The following CHL1 variants were observed in gnomAD, a reference collection of about 807,000 sequenced individuals.
CHL1 encodes the protein cell adhesion molecule L1 like, also known as neural cell adhesion molecule L1-like protein.
A neutral mutation model predicts 141.9 loss-of-function variants in CHL1; 96 were observed. That is an observed-to-expected ratio of 0.68 (90% CI 0.57 to 0.80). The LOEUF (loss-of-function observed/expected upper bound fraction) is 0.80, where lower values mean the gene tolerates loss of function less well. CHL1 is among the 30% of genes least tolerant of loss of function. CHL1 has a pLI of 0.00. For missense variants in CHL1, 1,820 were observed against 1,457.2 expected, an observed-to-expected ratio of 1.25 and a Z score of -4.05; for synonymous variants, 613 against 502.2, an observed-to-expected ratio of 1.22 and a Z score of -2.95.
In CHL1 at chr3:391,665, T is replaced by A; in HGVS notation, c.2792-10T>A. 2 of 1,587,872 alleles carry A rather than the reference T, an allele frequency of 1.3e-6. No individual in the cohort carries two copies. The highest frequency in any genetic ancestry group is 1.7e-6 in the Non-Finnish European group (2 of 1,166,574). ...TGATGTGAGTTTATTTTTGGTCTTG[T>A]GTTTTCTAGTACCTGAACAGCCAAC... On this transcript the variant is annotated splice_polypyrimidine_tract_variant and intron_variant, in intron 22 of 27. Transcript: ENST00000256509.
intron 1 of CHL1, among the ~76,000 whole-genome samples, chr3:201,119 T>C (rs1253694746): frequency 6.6e-6 from 1 of 152,218 alleles, no homozygotes; most frequent in Non-Finnish European, 1.5e-5. Flanking sequence ...GAATTCTGTA[T>C]CACTGGGTTA....
At chr3:404,841 A>T (rs1709408439) in intron 27 of CHL1, among the ~76,000 whole-genome samples, 2 of 152,190 alleles carry the variant, frequency 1.3e-5, no homozygotes. Flanking sequence ...ACTATAACAA[A>T]ATACCATAAG....
intron 2 of CHL1, among the ~76,000 whole-genome samples, chr3:279,367 G>A (rs990586132): frequency 8.5e-5 from 13 of 152,072 alleles, no homozygotes; most frequent in Non-Finnish European, 1.3e-4. Context: ...CGAGGGGGGA[G>A]CTGTTTTCTA....
intron 4 of CHL1, 34 bp downstream of exon 4, chr3:326,098 A>T: frequency 7.6e-7 from 1 of 1,307,874 alleles, no homozygotes; most frequent in Non-Finnish European, 1.1e-6. Context: ...GGTTCTTTAA[A>T]TGCGTGCTGT....
At chr3:360,599 T>TA (rs1704139859) in intron 12 of CHL1, among the ~76,000 whole-genome samples, 175 bp downstream of exon 12, 1 of 132,144 alleles carries the variant, frequency 7.6e-6, no homozygotes, top group Non-Finnish European at 1.8e-5. Context: ...TCTTTTTTTT[T>TA]TTTATTATAC....
At chr3:221,657 C>T (rs1700852998) in intron 1 of CHL1, among the ~76,000 whole-genome samples, 1 of 152,216 alleles carries the variant, frequency 6.6e-6, no homozygotes, top group African/African-American at 2.4e-5. Flanking sequence ...AGGACTTATG[C>T]ATCAACAGTA....
intron 3 of CHL1, among the ~76,000 whole-genome samples, chr3:321,105 T>C (rs11916994): frequency 0.015 from 2,303 of 152,204 alleles, 55 homozygotes; most frequent in African/African-American, 0.052. Context: ...TGACTATCTA[T>C]AATATAATGT....
intron 1 of CHL1, among the ~76,000 whole-genome samples, chr3:222,192 T>A (rs1490474547): frequency 6.6e-6 from 1 of 152,180 alleles, no homozygotes; most frequent in Non-Finnish European, 1.5e-5. Context: ...CTGTTAGAGA[T>A]CTGAAGTTTA....
intron 2 of CHL1, chr3:248,661 A>G (rs1236861410): frequency 6.6e-6 from 1 of 152,098 alleles, no homozygotes; most frequent in East Asian, 1.9e-4. Flanking sequence ...CTCAATCTTC[A>G]TAGCCTTTTT....
At chr3:306,508 C>G (rs1699240923) in intron 2 of CHL1, among the ~76,000 whole-genome samples, 4 of 152,114 alleles carry the variant, frequency 2.6e-5, no homozygotes, top group Admixed American at 2.0e-4. Context: ...AGTTGGTTTG[C>G]TTTATTATAT....
intron 12 of CHL1, among the ~76,000 whole-genome samples, chr3:361,164 C>G (rs1331415710): frequency 6.6e-6 from 1 of 151,392 alleles, no homozygotes; most frequent in East Asian, 1.9e-4. Flanking sequence ...AACTGGCTAG[C>G]CATATGTAGA....
intron 1 of CHL1, among the ~76,000 whole-genome samples, chr3:224,400 G>A (rs1701137120): frequency 6.6e-6 from 1 of 152,098 alleles, no homozygotes. Context: ...AATCCCCAGT[G>A]TTCGAGATTA....
chr3:205,886 C>T (rs1010091773), intron 1 of CHL1, among the ~76,000 whole-genome samples: 3 of 152,204 alleles, frequency 2.0e-5, no homozygotes, highest in African/African-American at 7.2e-5. Context: ...CTGGGCGATG[C>T]AGACACAGAA....
At position 243,641 on chromosome 3, in the gene CHL1, T is replaced by C. The variant is rs574502895; in HGVS notation, c.-174-972T>C. ...GGCATTGCAATCTGTTTCTAACTAC[T>C]TGGCAACAGCTTTTGGAATAAGGCC... On this transcript the variant is annotated intron_variant, in intron 1 of 27. Transcript: ENST00000256509. 1.2e-4 allele frequency among the ~76,000 whole-genome samples: 18 copies of C among 152,304 alleles called. No homozygotes were observed. In the South Asian group the frequency reaches 3.5e-3, roughly 30 times the overall value.
Position 275,445 on chromosome 3 carries a change from A to G in CHL1, c.-95+30753A>G, listed in dbSNP as rs569970889. Among the ~76,000 whole-genome samples, 199 of 152,308 alleles carry G rather than the reference A, an allele frequency of 1.3e-3. 1 individual carries two copies. Among genetic ancestry groups the G allele is most frequent in the African/African-American group, 4.5e-3 (189 of 41,566 alleles). ...ATATTCTTTTCTTATTCCTCTTGCTATATATTGATGGCAACCGTAGGCCTA... is the reference window on the plus strand; with the variant it reads ...ATATTCTTTTCTTATTCCTCTTGCTGTATATTGATGGCAACCGTAGGCCTA... On this transcript the variant is annotated intron_variant, in intron 2 of 27. Coordinates refer to ENST00000256509, the MANE Select transcript of CHL1 (RefSeq NM_006614.4).
chr3:344,268 A>C (rs1054231169), intron 8 of CHL1, among the ~76,000 whole-genome samples: 2 of 152,210 alleles, frequency 1.3e-5, no homozygotes, highest in Non-Finnish European at 2.9e-5. Flanking sequence ...GACATGATTG[A>C]AGTATAGAAT....
At chr3:208,450 A>G (rs569778208) in intron 1 of CHL1, among the ~76,000 whole-genome samples, 3 of 148,252 alleles carry the variant, frequency 2.0e-5, no homozygotes, top group East Asian at 3.9e-4. Flanking sequence ...TCATTGAAAT[A>G]TTAGGTTTGG....
intron 2 of CHL1, among the ~76,000 whole-genome samples, chr3:253,406 A>C (rs1693884959): frequency 6.6e-6 from 1 of 152,204 alleles, no homozygotes; most frequent in Admixed American, 6.6e-5. Flanking sequence ...TACGTAAGCA[A>C]GAAAGAAACA....
intron 3 of CHL1, among the ~76,000 whole-genome samples, chr3:322,121 A>G (rs1473159900): frequency 6.6e-6 from 1 of 152,000 alleles, no homozygotes; most frequent in Admixed American, 6.6e-5. Flanking sequence ...TGAATTTGCA[A>G]TAAGCTCAAG....
Sources: allele counts gnomAD v4.1 joint callset (sites outside exome capture counted in the v4.1 genomes callset), GRCh38; gene constraint gnomAD v4.1.1; transcripts MANE v1.5; gene names NCBI Gene and HGNC (gene_info 2026-07-23, HGNC 2026-07-21).